ERICH3: variants seen among roughly 807,000 people sequenced by gnomAD.
ERICH3 encodes the protein glutamate-rich protein 3.
A neutral mutation model predicts 131.1 loss-of-function variants in ERICH3; 126 were observed. That is an observed-to-expected ratio of 0.96 (90% CI 0.83 to 1.11). ERICH3 has a LOEUF of 1.11. ERICH3 is among the 50% of genes most tolerant of loss of function. ERICH3 has a pLI of 0.00. For synonymous variants in ERICH3, 695 were observed against 644.6 expected (o/e 1.08, Z -1.18); for missense variants, 2,050 against 1,810.7 (o/e 1.13, Z -2.40).
At chr1:74,594,963 A>C (rs1298869769) in intron 11 of ERICH3, among the ~76,000 whole-genome samples, 1 of 152,136 alleles carries the variant, frequency 6.6e-6, no homozygotes, top group Non-Finnish European at 1.5e-5. Context: ...TTAAGTTAAA[A>C]ATTTAAATGA....
At chr1:74,576,061 G>A (rs929942879) in intron 13 of ERICH3, among the ~76,000 whole-genome samples, 15 of 152,132 alleles carry the variant, frequency 9.9e-5, no homozygotes, top group African/African-American at 3.1e-4. Flanking sequence ...GGTAAAAAAC[G>A]CCAGCTCTGC....
chr1:74,667,823 T>C (rs974487023), intron 1 of ERICH3, among the ~76,000 whole-genome samples: 1 of 152,130 alleles, frequency 6.6e-6, no homozygotes, highest in Non-Finnish European at 1.5e-5. Flanking sequence ...TGGCTCTGTG[T>C]CCCCACCCAA....
At chr1:74,587,120 T>C (rs1647366629) in intron 12 of ERICH3, among the ~76,000 whole-genome samples, 1 of 151,862 alleles carries the variant, frequency 6.6e-6, no homozygotes, top group East Asian at 1.9e-4. Flanking sequence ...GGTCAAGAGA[T>C]CGAGACCATC....
intron 10 of ERICH3, 66 bp downstream of exon 10, chr1:74,606,535 C>T (rs1001290017): frequency 1.4e-6 from 2 of 1,474,984 alleles, no homozygotes. Context: ...AAATTTTGAT[C>T]ATCACATTTC....
chr1:74,607,184 A>G (rs1354822229), intron 9 of ERICH3, among the ~76,000 whole-genome samples: 1 of 152,062 alleles, frequency 6.6e-6, no homozygotes, highest in Non-Finnish European at 1.5e-5. Context: ...CTATAGTTTC[A>G]AACTAAAATC....
Position 74,571,839 on chromosome 1 carries a change from C to A in ERICH3, c.3871G>T (p.Asp1291Tyr). The A allele has an allele frequency of 6.2e-7, 1 of 1,612,602 alleles. No homozygotes were observed. Among genetic ancestry groups the A allele is most frequent in the Non-Finnish European group, 8.5e-7 (1 of 1,180,040 alleles). ...MAEKFREEAV[D>Y]EDPEEEEDKE... ...TCCTCTTCCTCCTCTGGGTCCTCAT[C>A]CACCGCTTCCTCCCTGAACTTTTCT... Residue 1291 changes from aspartate to tyrosine, a missense_variant, in exon 14 of 15, where the codon GAT (aspartate) becomes TAT (tyrosine). Physicochemically the swap from Asp to Tyr is radical, Grantham distance 160. Coordinates refer to ENST00000326665, the MANE Select transcript of ERICH3 (RefSeq NM_001002912.5).
chr1:74,635,653 TCCTC>T (rs769695911), intron 6 of ERICH3, among the ~76,000 whole-genome samples: 62 of 152,264 alleles, frequency 4.1e-4, no homozygotes, highest in Middle Eastern at 6.8e-3. Flanking sequence ...TACTAATTCC[TCCTC>T]CCTATTTAAG....
At chr1:74,574,692 T>C (rs986631699) in intron 13 of ERICH3, among the ~76,000 whole-genome samples, 3 of 152,224 alleles carry the variant, frequency 2.0e-5, no homozygotes, top group African/African-American at 7.2e-5. Flanking sequence ...CAAGCTATCA[T>C]AGTTCATAGT....
At chr1:74,590,523 T>C (rs1334319531) in intron 11 of ERICH3, among the ~76,000 whole-genome samples, 1 of 152,196 alleles carries the variant, frequency 6.6e-6, no homozygotes, top group Non-Finnish European at 1.5e-5. Context: ...GCTCACAACC[T>C]AGAACCCTGG....
chr1:74,634,384 T>C (rs1273183180), intron 6 of ERICH3, among the ~76,000 whole-genome samples: 1 of 152,122 alleles, frequency 6.6e-6, no homozygotes, highest in Non-Finnish European at 1.5e-5. Flanking sequence ...GGAATTTATC[T>C]CAATCTTGTC....
rs543472232 is a variant in ERICH3, at chr1:74,601,125, T to C, written c.1490-1194A>G. The stretch of plus-strand genomic sequence containing the variant: ...AAATTTAATACATTTAAATATAAAA[T>C]ATGAATATCAGTAAACCAAAATTGT... On this transcript the variant is annotated intron_variant, in intron 10 of 14. Transcript: ENST00000326665. Among the ~76,000 whole-genome samples, 98 of 151,950 alleles carry C rather than the reference T, an allele frequency of 6.4e-4. 3 individuals are homozygous for C. In the South Asian group the frequency reaches 0.019, roughly 30 times the overall value.
chr1:74,590,283 A>T (rs1409235283), intron 11 of ERICH3, among the ~76,000 whole-genome samples: 1 of 152,158 alleles, frequency 6.6e-6, no homozygotes, highest in African/African-American at 2.4e-5. Context: ...CAACTTTTCC[A>T]TGGACTGGGG....
intron 2 of ERICH3, among the ~76,000 whole-genome samples, chr1:74,648,962 A>T (rs916407314): frequency 1.3e-5 from 2 of 152,162 alleles, no homozygotes; most frequent in African/African-American, 2.4e-5. Context: ...TGAATGAATA[A>T]ACAAACCATT....
intron 12 of ERICH3, 101 bp from the exon 13 acceptor site, chr1:74,577,037 C>A: frequency 6.1e-6 from 6 of 980,834 alleles, no homozygotes; most frequent in Non-Finnish European, 8.9e-6. Context: ...GGCAAATTCA[C>A]CTAGCTGTTC....
intron 10 of ERICH3, among the ~76,000 whole-genome samples, chr1:74,603,360 C>T (rs560889290): frequency 1.3e-5 from 2 of 151,980 alleles, no homozygotes; most frequent in South Asian, 2.1e-4. Flanking sequence ...TTTTGTGTAT[C>T]TAAGCCTCAA....
chr1:74,634,558 G>C (rs1336348186), intron 6 of ERICH3: 3 of 639,676 alleles, frequency 4.7e-6, no homozygotes, highest in African/African-American at 1.9e-5. Flanking sequence ...TCCCCAGCCA[G>C]CAGAGCTTAA....
Position 74,579,840 on chromosome 1 carries a change from G to T in ERICH3, c.2177-2904C>A, listed in dbSNP as rs75032470. 419 of 984,900 alleles carry T rather than the reference G, an allele frequency of 4.3e-4. 2 individuals carry two copies. In the African/African-American group the frequency reaches 7.0e-3, roughly 16 times the overall value. The allele number at this position is 984,900 out of a possible 1,614,324, so 61.0% of individuals were successfully genotyped here. A position where few individuals can be genotyped will look rare whatever the true frequency, so the allele number is the denominator to read the frequency against. ...AATAAAGGTGACCACTGGAGGCAAAGGTGATTGTCAGTTCTCACAGCATTA... is the reference window on the plus strand; with the variant it reads ...AATAAAGGTGACCACTGGAGGCAAATGTGATTGTCAGTTCTCACAGCATTA... On this transcript the variant is annotated intron_variant, in intron 12 of 14. Transcript: ENST00000326665.
At chr1:74,666,319 T>A (rs1570922760) in intron 1 of ERICH3, among the ~76,000 whole-genome samples, 1 of 152,098 alleles carries the variant, frequency 6.6e-6, no homozygotes, top group South Asian at 2.1e-4. Context: ...TCCAGATCTA[T>A]ATGAAATCTA....
chr1:74,672,744 G>C (rs1646753315), intron 1 of ERICH3, among the ~76,000 whole-genome samples: 1 of 143,198 alleles, frequency 7.0e-6, no homozygotes, highest in East Asian at 3.3e-4. Context: ...TAATTCAGGA[G>C]GAAATTGGAT....
Sources: gnomAD v4.1 joint callset for allele counts (sites outside exome capture counted in the v4.1 genomes callset) on GRCh38, gnomAD v4.1.1 for gene constraint, MANE v1.5 for transcripts, NCBI Gene and HGNC (gene_info 2026-07-23, HGNC 2026-07-21) for gene names.